PACSIN1: variants seen among roughly 807,000 people sequenced by gnomAD.
The protein encoded by PACSIN1 is protein kinase C and casein kinase substrate in neurons 1, also known as protein kinase C and casein kinase substrate in neurons protein 1.
PACSIN1 carries 15 observed loss-of-function variants against 59.5 expected under a neutral mutation model. That is an observed-to-expected ratio of 0.25 (90% CI 0.17 to 0.39). PACSIN1 has a LOEUF of 0.39. Ranked by LOEUF, PACSIN1 falls within the 10% of genes least tolerant of loss-of-function variation. The probability of loss-of-function intolerance (pLI) is 1.00; values close to 1 mark genes in which losing one functional copy is unlikely to be tolerated. For missense variants in PACSIN1, 420 were observed against 580.2 expected (o/e 0.72, Z 2.84); for synonymous variants, 210 against 220.6 (o/e 0.95, Z 0.42).
Position 34,529,577 on chromosome 6 carries a change from AG to A in PACSIN1, c.612+30del. ...GGTGCTGGCGGGCAGGGATGGCAGT[AG>A]GGGGTCTGGGGGCCCCTTGCAGAGG... On this transcript the variant is annotated intron_variant, in intron 5 of 9. Transcript: ENST00000244458. This position sits in a 1 kb window ranked among gnomAD's most constrained non-coding sequence, Gnocchi z 6.3. The A allele has an allele frequency of 1.9e-6, 3 of 1,613,682 alleles. No homozygotes were observed. Among genetic ancestry groups the A allele is most frequent in the Non-Finnish European group, 2.5e-6 (3 of 1,179,654 alleles).
At chr6:34,485,257 G>A (rs566914813) in intron 1 of PACSIN1, 3 of 152,216 alleles carry the variant, frequency 2.0e-5, no homozygotes, top group South Asian at 2.1e-4. Context: ...GGGGGGTTGT[G>A]TATCAACTTT....
At chr6:34,506,207 T>G (rs1184544563) in intron 1 of PACSIN1, among the ~76,000 whole-genome samples, 7 of 152,180 alleles carry the variant, frequency 4.6e-5, no homozygotes, top group African/African-American at 1.4e-4. Context: ...GTTCTTGGTG[T>G]GACAAAATTT....
intron 1 of PACSIN1, among the ~76,000 whole-genome samples, chr6:34,510,613 C>T (rs748733572): frequency 2.0e-5 from 3 of 152,182 alleles, no homozygotes; most frequent in Non-Finnish European, 4.4e-5. Flanking sequence ...CATCACATAC[C>T]TCCCTTTCTC....
intron 1 of PACSIN1, among the ~76,000 whole-genome samples, chr6:34,480,577 C>T (rs1269445317): frequency 6.6e-5 from 10 of 152,104 alleles, no homozygotes; most frequent in African/African-American, 2.4e-4. Flanking sequence ...CCATGATATA[C>T]TTGTCCAGTC....
intron 1 of PACSIN1, among the ~76,000 whole-genome samples, chr6:34,522,511 C>T (rs1767411219): frequency 6.6e-6 from 1 of 152,164 alleles, no homozygotes; most frequent in Non-Finnish European, 1.5e-5. Flanking sequence ...GTGTATTAGG[C>T]TCCCCAGAGA....
At chr6:34,523,050 C>T (rs571321985) in intron 1 of PACSIN1, among the ~76,000 whole-genome samples, 12 of 152,348 alleles carry the variant, frequency 7.9e-5, no homozygotes, top group African/African-American at 2.6e-4. Flanking sequence ...ACCAGCTCTC[C>T]GGGTATCCCC....
In PACSIN1 at chr6:34,532,701, A is replaced by C; in HGVS notation, c.*171A>C. 1.7e-6 allele frequency: 1 copy of C among 587,726 alleles called. No individual in the cohort carries two copies. Among genetic ancestry groups the C allele is most frequent in the Non-Finnish European group, 3.0e-6 (1 of 328,720 alleles). The allele number at this position is 587,726 out of a possible 1,614,324, so 36.4% of individuals were successfully genotyped here. A position where few individuals can be genotyped will look rare whatever the true frequency, so the allele number is the denominator to read the frequency against. ...AAGTATGCAGAGACAGAGCATTTGC[A>C]GGGCCACCTGGAGGCTGGGGTGCTG... On this transcript the variant is annotated 3_prime_UTR_variant, in exon 10 of 10. Transcript: ENST00000244458. The surrounding 1 kb of genome is among the most constrained non-coding windows in gnomAD (Gnocchi z 5.2).
chr6:34,508,455 C>T (rs1050469180), intron 1 of PACSIN1, among the ~76,000 whole-genome samples: 2 of 151,992 alleles, frequency 1.3e-5, no homozygotes, highest in Admixed American at 1.3e-4. Context: ...TTAGTAGAGA[C>T]GAGGTCTCGC....
intron 1 of PACSIN1, chr6:34,485,111 G>C (rs1281046112): frequency 6.6e-6 from 1 of 152,186 alleles, no homozygotes; most frequent in Non-Finnish European, 1.5e-5. Flanking sequence ...AACAGGTTGG[G>C]GCCCAAAGGC....
chr6:34,473,447 C>T (rs1377017952), intron 1 of PACSIN1, among the ~76,000 whole-genome samples: 1 of 152,190 alleles, frequency 6.6e-6, no homozygotes, highest in East Asian at 1.9e-4. Flanking sequence ...CCCAGGGCTG[C>T]TTCTCCTTGC....
intron 1 of PACSIN1, among the ~76,000 whole-genome samples, chr6:34,494,224 C>T (rs1028264744): frequency 6.6e-6 from 1 of 152,158 alleles, no homozygotes; most frequent in African/African-American, 2.4e-5. Context: ...TTACCCTGCT[C>T]TGCCCAGTTC....
rs777899996 is a variant in PACSIN1, at chr6:34,479,961, G to T, written c.-64+13691G>T. Among the ~76,000 whole-genome samples the T allele has an allele frequency of 8.7e-4, 133 of 152,076 alleles. 3 individuals carry two copies. Among genetic ancestry groups the T allele is most frequent in the Middle Eastern group, 3.4e-3 (1 of 294 alleles). ...CTGCCTCAGCCTCCATAGTAGCTGG[G>T]ACCACAGGCATATGCCACCACACCC... On this transcript the variant is annotated intron_variant, in intron 1 of 9. Coordinates refer to ENST00000244458, the MANE Select transcript of PACSIN1 (RefSeq NM_020804.5).
chr6:34,476,790 C>G (rs887708440), intron 1 of PACSIN1, among the ~76,000 whole-genome samples: 7 of 151,758 alleles, frequency 4.6e-5, no homozygotes, highest in Non-Finnish European at 8.9e-5. Flanking sequence ...GGGCCGGGGG[C>G]GGGTGGCAAA....
chr6:34,530,091 C>T lies in PACSIN1; in HGVS notation c.789-152C>T. 1 of 1,126,274 alleles carries T rather than the reference C, an allele frequency of 8.9e-7. No homozygotes were observed. The highest frequency in any genetic ancestry group is 1.2e-6 in the Non-Finnish European group (1 of 806,740). The allele number at this position is 1,126,274 out of a possible 1,614,324, so 69.8% of individuals were successfully genotyped here. ...GGGAAAAGGAGTCCACCGAGCATGC[C>T]CGGAGCTTATTCTTGCAAAGCCCAC... On this transcript the variant is annotated intron_variant, in intron 6 of 9. Coordinates refer to ENST00000244458, the MANE Select transcript of PACSIN1 (RefSeq NM_020804.5). This position sits in a 1 kb window ranked among gnomAD's most constrained non-coding sequence, Gnocchi z 4.4.
At chr6:34,496,598 T>C (rs910230577) in intron 1 of PACSIN1, among the ~76,000 whole-genome samples, 1 of 152,252 alleles carries the variant, frequency 6.6e-6, no homozygotes, top group Admixed American at 6.5e-5. Context: ...GGCCGTGGCT[T>C]GTCCTGTCTG....
intron 1 of PACSIN1, among the ~76,000 whole-genome samples, chr6:34,501,518 G>C (rs76269697): frequency 0.016 from 2,378 of 152,296 alleles, 63 homozygotes; most frequent in African/African-American, 0.048. Context: ...TTCTGGGCAG[G>C]TTTCTTGGGT....
At chr6:34,486,727 T>C (rs1368709931) in intron 1 of PACSIN1, among the ~76,000 whole-genome samples, 1 of 152,168 alleles carries the variant, frequency 6.6e-6, no homozygotes, top group African/African-American at 2.4e-5. Context: ...GGCCCCTCTC[T>C]TTCCTCCTGC....
chr6:34,531,316 C>T lies in PACSIN1; in HGVS notation c.1038-284C>T, dbSNP rs180924245. Among the ~76,000 whole-genome samples the T allele has an allele frequency of 6.6e-6, 1 of 152,318 alleles. No homozygotes were observed. Among genetic ancestry groups the T allele is most frequent in the East Asian group, 1.9e-4 (1 of 5,192 alleles). ...GCCCAGGAGGTCTGACTCCAGGATCCTTGCTCTTAAACATTAGGTGGTACT... is the reference window on the plus strand; with the variant it reads ...GCCCAGGAGGTCTGACTCCAGGATCTTTGCTCTTAAACATTAGGTGGTACT... On this transcript the variant is annotated intron_variant, in intron 8 of 9. Coordinates refer to ENST00000244458, the MANE Select transcript of PACSIN1 (RefSeq NM_020804.5). The surrounding 1 kb of genome is among the most constrained non-coding windows in gnomAD (Gnocchi z 4.4).
At chr6:34,503,525 G>A (rs1767059551) in intron 1 of PACSIN1, among the ~76,000 whole-genome samples, 1 of 152,142 alleles carries the variant, frequency 6.6e-6, no homozygotes, top group Non-Finnish European at 1.5e-5. Context: ...CCTGGTGCAG[G>A]CTGCTATGTT....
Sources: gnomAD v4.1 joint callset for allele counts (sites outside exome capture counted in the v4.1 genomes callset) on GRCh38, gnomAD v4.1.1 for gene constraint, Gnocchi (gnomAD v3.1) non-coding constraint, MANE v1.5 for transcripts, NCBI Gene and HGNC (gene_info 2026-07-23, HGNC 2026-07-21) for gene names.